AHRR: variants seen among roughly 807,000 people sequenced by gnomAD.
AHRR encodes the protein ahR repressor.
AHRR carries 28 observed loss-of-function variants against 44.0 expected under a neutral mutation model. That is an observed-to-expected ratio of 0.64 (90% CI 0.47 to 0.87). The LOEUF (loss-of-function observed/expected upper bound fraction) is 0.87, where lower values mean the gene tolerates loss of function less well. AHRR is among the 40% of genes least tolerant of loss of function. The probability of loss-of-function intolerance (pLI) is 0.00; values close to 1 mark genes in which losing one functional copy is unlikely to be tolerated. For synonymous variants in AHRR, 434 were observed against 407.0 expected (o/e 1.07, Z -0.80); for missense variants, 990 against 953.9 (o/e 1.04, Z -0.50).
chr5:352,269 G>A (rs1489372559), intron 2 of AHRR, among the ~76,000 whole-genome samples: 1 of 152,178 alleles, frequency 6.6e-6, no homozygotes, highest in Non-Finnish European at 1.5e-5. Context: ...GGTTAAATAG[G>A]TCAGCTGTAG....
At position 423,953 on chromosome 5, in the gene AHRR, G is replaced by A. The variant is rs778154934; in HGVS notation, c.684G>A (p.Leu228=). 1.9e-6 allele frequency: 3 copies of A among 1,601,000 alleles called. No homozygotes were observed. The highest frequency in any genetic ancestry group is 1.1e-5 in the South Asian group (1 of 91,066). The change falls in exon 7 of 11, where the codon CTG becomes CTA. Residue 228 remains leucine (L), a synonymous_variant. Transcript: ENST00000684583. ...TRCFICRVRC[L]LDSTSGFLTM... ...GCTTCATCTGCCGTGTGCGCTGCCTGCTGGACAGCACCTCGGGCTTCCTGG... is the reference window on the plus strand; with the variant it reads ...GCTTCATCTGCCGTGTGCGCTGCCTACTGGACAGCACCTCGGGCTTCCTGG...
rs1054093954 is a variant in AHRR at position 436,232 on chromosome 5, C to T, written c.*1398C>T. ...TGCATTGTGCCTCCCGTGTGGACGC[C>T]CTCTCTGTTGTTGGCCCGCGGGTGA... On this transcript the variant is annotated 3_prime_UTR_variant, in exon 11 of 11. Coordinates refer to ENST00000684583, the MANE Select transcript of AHRR (RefSeq NM_001377236.1). 2.0e-5 allele frequency: 3 copies of T among 152,740 alleles called. No individual in the cohort carries two copies. Among genetic ancestry groups the T allele is most frequent in the Non-Finnish European group, 4.4e-5 (3 of 68,934 alleles). The allele number at this position is 152,740 out of a possible 1,614,324, so 9.5% of individuals were successfully genotyped here. A position where few individuals can be genotyped will look rare whatever the true frequency, so the allele number is the denominator to read the frequency against.
chr5:355,501 C>T (rs1305151713), intron 3 of AHRR, among the ~76,000 whole-genome samples: 1 of 152,196 alleles, frequency 6.6e-6, no homozygotes, highest in African/African-American at 2.4e-5. Flanking sequence ...GGCTTCCTCC[C>T]ACCGACACCG....
In AHRR at chr5:371,971, C is replaced by G. The variant is rs540720959; in HGVS notation, c.245-4639C>G. Among the ~76,000 whole-genome samples the G allele has an allele frequency of 6.2e-4, 94 of 152,328 alleles. 1 individual carries two copies. The highest frequency in any genetic ancestry group is 2.2e-3 in the African/African-American group (92 of 41,568). On this transcript the variant is annotated intron_variant, in intron 3 of 10. Coordinates refer to ENST00000684583, the MANE Select transcript of AHRR (RefSeq NM_001377236.1). ...CTTCCTCTCATCTGGCTGCTTGCAC[C>G]ACTCAGGCCCCGCCGAGGGCTCTGC...
chr5:427,251 T>C (rs1334685115), intron 7 of AHRR, among the ~76,000 whole-genome samples: 1 of 152,224 alleles, frequency 6.6e-6, no homozygotes, highest in East Asian at 1.9e-4. Flanking sequence ...TAGAGAGATA[T>C]TTTATTTTCT....
rs1202680538 is a variant in AHRR at position 403,957 on chromosome 5, T to C, written c.352-9387T>C. 4 of 1,383,464 alleles carry C rather than the reference T, an allele frequency of 2.9e-6. No individual in the cohort carries two copies. In the African/African-American group the frequency reaches 5.7e-5, roughly 20 times the overall value. The allele number at this position is 1,383,464 out of a possible 1,614,324, so 85.7% of individuals were successfully genotyped here. A position where few individuals can be genotyped will look rare whatever the true frequency, so the allele number is the denominator to read the frequency against. On this transcript the variant is annotated intron_variant, in intron 4 of 10. Transcript: ENST00000684583. ...TTGATGAAATATCTCCTCCACTTTA[T>C]TTTCTGACTCGTCTACATTTTCTGC...
chr5:413,289 T>C, intron 4 of AHRR, 55 bp from the exon 5 acceptor site: 1 of 1,326,420 alleles, frequency 7.5e-7, no homozygotes, highest in East Asian at 2.3e-5. Flanking sequence ...TCTTGCACTT[T>C]TTCATTTTGG....
intron 2 of AHRR, among the ~76,000 whole-genome samples, chr5:345,242 G>GTGTGT: frequency 7.3e-6 from 1 of 137,816 alleles, no homozygotes; most frequent in African/African-American, 3.3e-5. Flanking sequence ...GGCTGTGTGT[G>GTGTGT]GGGATGTGTG....
rs200498425 is a variant in AHRR at position 353,722 on chromosome 5, C to G, written c.63-8C>G. On this transcript the variant is annotated splice_region_variant and splice_polypyrimidine_tract_variant and intron_variant, in intron 2 of 10. Coordinates refer to ENST00000684583, the MANE Select transcript of AHRR (RefSeq NM_001377236.1). The stretch of plus-strand genomic sequence containing the variant: ...GAAGCCCACCTGACCCAGACCATCT[C>G]CCCACAGGAGGCCCGCCGTGGGGGC... 1.0e-5 allele frequency: 16 copies of G among 1,603,002 alleles called. No homozygotes were observed. Among genetic ancestry groups the G allele is most frequent in the African/African-American group, 1.3e-5 (1 of 74,934 alleles).
chr5:353,945 G>A, intron 3 of AHRR, 34 bp downstream of exon 3: 1 of 1,586,192 alleles, frequency 6.3e-7, no homozygotes, highest in African/African-American at 1.3e-5. Flanking sequence ...CTGTTCACTT[G>A]AGTCAGGCTG....
At chr5:422,032 G>A (rs1736150030) in intron 5 of AHRR, among the ~76,000 whole-genome samples, 1 of 152,150 alleles carries the variant, frequency 6.6e-6, no homozygotes, top group Non-Finnish European at 1.5e-5. Flanking sequence ...GGCTCCAGGT[G>A]CAGATGCCTG....
intron 1 of AHRR, among the ~76,000 whole-genome samples, chr5:327,723 AT>A (rs1741760528): frequency 1.3e-5 from 2 of 152,152 alleles, no homozygotes. Flanking sequence ...TTTCTTTTCC[AT>A]TGGGTATAGA....
chr5:344,827 G>C (rs1249925856), intron 2 of AHRR, among the ~76,000 whole-genome samples: 1 of 141,382 alleles, frequency 7.1e-6, no homozygotes, highest in Non-Finnish European at 1.5e-5. Context: ...GTGTGTGGGG[G>C]ACTGTAGGGA....
chr5:431,053 G>A (rs1156671875), intron 8 of AHRR, among the ~76,000 whole-genome samples: 6 of 152,204 alleles, frequency 3.9e-5, no homozygotes, highest in East Asian at 1.9e-4. Context: ...TACCGTCACC[G>A]TGGAGTTTCC....
At chr5:415,144 G>C (rs182842014) in intron 5 of AHRR, among the ~76,000 whole-genome samples, 1 of 152,384 alleles carries the variant, frequency 6.6e-6, no homozygotes, top group East Asian at 1.9e-4. Context: ...GCCGCTAGGC[G>C]CTGGGGGAAG....
intron 2 of AHRR, among the ~76,000 whole-genome samples, chr5:352,947 G>A (rs1423148689): frequency 1.3e-5 from 2 of 152,116 alleles, no homozygotes; most frequent in Non-Finnish European, 2.9e-5. Flanking sequence ...CAGCTGTAGG[G>A]GATGGTCACT....
At chr5:333,282 C>A (rs1390651995) in intron 1 of AHRR, among the ~76,000 whole-genome samples, 1 of 152,152 alleles carries the variant, frequency 6.6e-6, no homozygotes, top group Non-Finnish European at 1.5e-5. Context: ...AAAATCCATT[C>A]TGCCAATCAG....
chr5:373,767 C>T (rs1379418444), intron 3 of AHRR, among the ~76,000 whole-genome samples: 3 of 151,602 alleles, frequency 2.0e-5, no homozygotes, highest in Middle Eastern at 3.4e-3. Context: ...CCCGGAGCGC[C>T]CGCGCGGACC....
chr5:391,233 G>A (rs56009955), intron 4 of AHRR, among the ~76,000 whole-genome samples: 7,027 of 152,160 alleles, frequency 0.046, 234 homozygotes, highest in South Asian at 0.08. Flanking sequence ...AGGATTCAGA[G>A]GCTGCACACA....
Sources: gnomAD v4.1 joint callset for allele counts (sites outside exome capture counted in the v4.1 genomes callset) on GRCh38, gnomAD v4.1.1 for gene constraint, MANE v1.5 for transcripts, NCBI Gene and HGNC (gene_info 2026-07-23, HGNC 2026-07-21) for gene names.